Variants in IQCK observed in about 807,000 individuals in gnomAD.
IQCK encodes IQ motif containing K, also known as IQ domain-containing protein K.
IQCK carries 29 observed loss-of-function variants against 28.1 expected under a neutral mutation model. The observed-to-expected ratio is 1.03, with a 90% confidence interval of 0.77 to 1.41. IQCK has a LOEUF of 1.41. Ranked by LOEUF, IQCK falls within the 40% of genes most tolerant of loss-of-function variation. IQCK has a pLI of 0.00. For synonymous variants in IQCK, 113 were observed against 115.1 expected, an observed-to-expected ratio of 0.98 and a Z score of 0.12; for missense variants, 359 against 314.7, an observed-to-expected ratio of 1.14 and a Z score of -1.07.
chr16:19,734,044 T>C (rs985673999), intron 3 of IQCK: 1 of 474,694 alleles, frequency 2.1e-6, no homozygotes. Flanking sequence ...AAGCATACTT[T>C]GATTTTACAT....
At chr16:19,783,958 C>T (rs1204669052) in intron 6 of IQCK, among the ~76,000 whole-genome samples, 3 of 152,064 alleles carry the variant, frequency 2.0e-5, no homozygotes, top group African/African-American at 2.4e-5. Flanking sequence ...GCTGCTGTTC[C>T]GAAACAGGAA....
chr16:19,746,221 C>T (rs1396982977), intron 4 of IQCK, among the ~76,000 whole-genome samples: 4 of 146,778 alleles, frequency 2.7e-5, no homozygotes, highest in Admixed American at 6.9e-5. Flanking sequence ...TTTGTGGGTA[C>T]GTCGTAGATA....
chr16:19,765,952 A>G (rs2055229420), intron 6 of IQCK: 1 of 152,224 alleles, frequency 6.6e-6, no homozygotes, highest in Non-Finnish European at 1.5e-5. Flanking sequence ...TCTTAGCTTT[A>G]TTTATTATAC....
At chr16:19,842,144 C>A (rs1044329940) in intron 9 of IQCK, among the ~76,000 whole-genome samples, 5 of 152,186 alleles carry the variant, frequency 3.3e-5, no homozygotes, top group Non-Finnish European at 5.9e-5. Flanking sequence ...CCACACCCGG[C>A]CCCATATCAT....
At chr16:19,755,556 G>A (rs116775739) in intron 4 of IQCK, among the ~76,000 whole-genome samples, 1,742 of 152,266 alleles carry the variant, frequency 0.011, 39 homozygotes, top group African/African-American at 0.04. Flanking sequence ...GCAACAGCAA[G>A]CAATGAAAGG....
chr16:19,741,922 G>A (rs1038330598), intron 4 of IQCK, among the ~76,000 whole-genome samples: 3 of 152,178 alleles, frequency 2.0e-5, no homozygotes, highest in Non-Finnish European at 4.4e-5. Flanking sequence ...GGGAGGCAGA[G>A]CTTGCAGTGA....
exon 6 of IQCK, chr16:19,764,077 C>G (rs763842351): frequency 6.2e-7 from 1 of 1,613,946 alleles, no homozygotes; most frequent in South Asian, 1.1e-5. Flanking sequence ...CAGAATTTTT[C>G]TCCATTCCAT....
At chr16:19,758,087 C>T (rs1268030668) in intron 4 of IQCK, among the ~76,000 whole-genome samples, 1 of 152,180 alleles carries the variant, frequency 6.6e-6, no homozygotes, top group Middle Eastern at 3.2e-3. Context: ...CATTTTCACC[C>T]TTTAACAATC....
At chr16:19,721,539 T>C (rs1977494907) in intron 1 of IQCK, among the ~76,000 whole-genome samples, 1 of 152,130 alleles carries the variant, frequency 6.6e-6, no homozygotes, top group Admixed American at 6.5e-5. Flanking sequence ...CTAGCTGTGT[T>C]CATGGTTTTA....
chr16:19,723,542 G>A lies in IQCK; in HGVS notation c.181+5055G>A, dbSNP rs1041219118. Reference sequence around the variant, plus strand: ...CTTGCCCAAAGTAAGCGGCAGGGTCGGCTTCAAACTCAAGTCTGTTTTGAC... The same window carrying A: ...CTTGCCCAAAGTAAGCGGCAGGGTCAGCTTCAAACTCAAGTCTGTTTTGAC... On this transcript the variant is annotated intron_variant, in intron 1 of 7. Coordinates refer to ENST00000564186, the Ensembl canonical transcript of IQCK. Among the ~76,000 whole-genome samples the A allele has an allele frequency of 7.9e-5, 12 of 152,054 alleles. No individual in the cohort carries two copies. In the South Asian group the frequency reaches 1.0e-3, roughly 13 times the overall value.
chr16:19,772,270 A>G (rs964766877), intron 6 of IQCK, among the ~76,000 whole-genome samples: 5 of 152,196 alleles, frequency 3.3e-5, no homozygotes, highest in African/African-American at 1.2e-4. Flanking sequence ...TCACATTGAA[A>G]GTAAGAAATA....
intron 9 of IQCK, among the ~76,000 whole-genome samples, chr16:19,836,210 A>C (rs1358095453): frequency 6.6e-6 from 1 of 152,140 alleles, no homozygotes; most frequent in Non-Finnish European, 1.5e-5. Flanking sequence ...TTTCTTTCAT[A>C]GTTCCTCAAA....
chr16:19,856,215 G>A (rs1276918809), intron 9 of IQCK, among the ~76,000 whole-genome samples: 1 of 152,184 alleles, frequency 6.6e-6, no homozygotes, highest in Admixed American at 6.5e-5. Context: ...TACCCTGACC[G>A]GCAAAGCACA....
chr16:19,757,772 TAATC>T (rs1480278189), intron 4 of IQCK, among the ~76,000 whole-genome samples: 2 of 152,244 alleles, frequency 1.3e-5, no homozygotes, highest in Admixed American at 6.5e-5. Context: ...TAAAAAAATT[TAATC>T]AGATAGATGA....
downstream of IQCK, chr16:19,827,234 T>G (rs1392556086): frequency 2.5e-6 from 2 of 810,292 alleles, no homozygotes; most frequent in Non-Finnish European, 4.2e-6. Flanking sequence ...TGTAAGGTCC[T>G]TGTCTGCATG....
intron 4 of IQCK, among the ~76,000 whole-genome samples, chr16:19,741,969 A>C (rs1490833247): frequency 6.6e-6 from 1 of 152,210 alleles, no homozygotes; most frequent in Non-Finnish European, 1.5e-5. Context: ...CCTGGGTGAC[A>C]GAGTGAGACT....
At chr16:19,820,798 CAT>C (rs1400691546) in intron 7 of IQCK, among the ~76,000 whole-genome samples, 3 of 151,892 alleles carry the variant, frequency 2.0e-5, no homozygotes, top group East Asian at 3.9e-4. Flanking sequence ...GTGTCCAAAA[CAT>C]ATAATAAACT....
chr16:19,834,780 C>T (rs2141102660), intron 9 of IQCK, among the ~76,000 whole-genome samples: 1 of 152,298 alleles, frequency 6.6e-6, no homozygotes, highest in Non-Finnish European at 1.5e-5. Flanking sequence ...AAGGTTTGGC[C>T]ACCAGAGAGG....
intron 4 of IQCK, among the ~76,000 whole-genome samples, chr16:19,736,984 CAAAA>C (rs55687544): frequency 3.0e-5 from 2 of 67,076 alleles, no homozygotes; most frequent in Non-Finnish European, 3.8e-5. Context: ...CCGGTATTTA[CAAAA>C]AAAAAAAAAA....
Sources: gnomAD v4.1 joint callset for allele counts (sites outside exome capture counted in the v4.1 genomes callset) on GRCh38, gnomAD v4.1.1 for gene constraint, MANE v1.5 for transcripts, NCBI Gene and HGNC (gene_info 2026-07-23, HGNC 2026-07-21) for gene names.